Variants in PPFIBP1 observed in about 807,000 individuals in gnomAD.
The protein encoded by PPFIBP1 is liprin-beta-1.
Under a neutral mutation model 137.8 loss-of-function variants are expected in PPFIBP1, and 112 were observed. The ratio of observed to expected loss-of-function variants is 0.81; its 90% CI spans 0.70 to 0.95. The LOEUF (loss-of-function observed/expected upper bound fraction) is 0.95, where lower values mean the gene tolerates loss of function less well. PPFIBP1 is among the 40% of genes least tolerant of loss of function. PPFIBP1 has a pLI of 0.00. For missense variants in PPFIBP1, 1,083 were observed against 1,196.6 expected (o/e 0.91, Z 1.40); for synonymous variants, 378 against 417.3 (o/e 0.91, Z 1.15).
At chr12:27,634,146 T>A (rs2057477928) in intron 3 of PPFIBP1, among the ~76,000 whole-genome samples, 1 of 149,514 alleles carries the variant, frequency 6.7e-6, no homozygotes, top group African/African-American at 2.5e-5. Context: ...TATCTTTTTT[T>A]TTTTTTTTTT....
At chr12:27,549,315 CT>C (rs1946528931) in intron 1 of PPFIBP1, 1 of 152,096 alleles carries the variant, frequency 6.6e-6, no homozygotes, top group African/African-American at 2.4e-5. Context: ...AGCGATTTAA[CT>C]TTGTGCACAT....
intron 1 of PPFIBP1, among the ~76,000 whole-genome samples, chr12:27,574,017 G>C (rs1426279435): frequency 6.6e-6 from 1 of 150,492 alleles, no homozygotes; most frequent in Non-Finnish European, 1.5e-5. Flanking sequence ...ACAACAAAAA[G>C]ATTAAGACCA....
intron 9 of PPFIBP1, among the ~76,000 whole-genome samples, chr12:27,657,897 C>G (rs1416556796): frequency 6.6e-6 from 1 of 151,998 alleles, no homozygotes; most frequent in Non-Finnish European, 1.5e-5. Context: ...CGCTTGAGGC[C>G]AGGAGTTCAA....
At chr12:27,527,432 G>A (rs909908701) in intron 1 of PPFIBP1, among the ~76,000 whole-genome samples, 10 of 151,920 alleles carry the variant, frequency 6.6e-5, no homozygotes, top group Non-Finnish European at 1.0e-4. Flanking sequence ...TAGTAGAGGC[G>A]GGTTCTCACC....
chr12:27,646,248 A>T, intron 5 of PPFIBP1, 100 bp downstream of exon 5: 1 of 901,114 alleles, frequency 1.1e-6, no homozygotes, highest in Non-Finnish European at 1.8e-6. Flanking sequence ...TCAGACTGCT[A>T]ATAGAAATAA....
intron 24 of PPFIBP1, among the ~76,000 whole-genome samples, chr12:27,684,174 T>C (rs2061058689): frequency 6.6e-6 from 1 of 152,096 alleles, no homozygotes; most frequent in Non-Finnish European, 1.5e-5. Context: ...AGTGGCACAA[T>C]CTTGGCTCAT....
In PPFIBP1 at chr12:27,673,842, T is replaced by G; in HGVS notation, c.1380+15T>G. The G allele has an allele frequency of 6.3e-7, 1 of 1,594,268 alleles. No individual in the cohort carries two copies. The highest frequency in any genetic ancestry group is 1.1e-5 in the South Asian group (1 of 90,234). On this transcript the variant is annotated intron_variant, in intron 16 of 29. Transcript: ENST00000228425. ...CATCTGATGGGGTGGGTTCTGTGTT[T>G]TTTGTTTTTTTTTGTCTGTTATCCT...
chr12:27,571,141 G>A (rs1482192341), intron 1 of PPFIBP1, among the ~76,000 whole-genome samples: 2 of 152,110 alleles, frequency 1.3e-5, no homozygotes, highest in African/African-American at 4.8e-5. Flanking sequence ...GGGTCCTTCT[G>A]TGTCATGAAT....
chr12:27,672,333 A>G (rs2060251291), intron 14 of PPFIBP1, 94 bp from the exon 15 acceptor site: 2 of 938,168 alleles, frequency 2.1e-6, no homozygotes, highest in South Asian at 1.6e-5. Context: ...CTTCCTTTGC[A>G]TAATTTTTTG....
intron 19 of PPFIBP1, chr12:27,677,368 A>C: frequency 1.9e-6 from 1 of 525,480 alleles, no homozygotes; most frequent in African/African-American, 1.9e-5. Context: ...CTCAGAGTGC[A>C]GGGCAGGAAT....
At chr12:27,651,273 C>CTT (rs77860364) in intron 7 of PPFIBP1, among the ~76,000 whole-genome samples, 2 of 141,292 alleles carry the variant, frequency 1.4e-5, no homozygotes, top group Admixed American at 7.1e-5. Context: ...ATGTTTTAAT[C>CTT]TTTTTTTTTT....
intron 4 of PPFIBP1, among the ~76,000 whole-genome samples, chr12:27,638,182 T>C (rs1480536858): frequency 6.6e-6 from 1 of 152,178 alleles, no homozygotes; most frequent in East Asian, 1.9e-4. Context: ...ACCACTGAAC[T>C]GTACACTTTA....
intron 2 of PPFIBP1, among the ~76,000 whole-genome samples, chr12:27,632,263 T>C (rs2057320050): frequency 6.6e-6 from 1 of 152,208 alleles, no homozygotes; most frequent in Admixed American, 6.5e-5. Flanking sequence ...AATATATTTG[T>C]GAAAATAAAG....
Position 27,647,949 on chromosome 12 carries a change from A to C in PPFIBP1, c.471+107A>C, listed in dbSNP as rs533669602. ...GATGCAGCAGTAAGTTTCTTGATTC[A>C]TTTAGACCAGCACATTAAAAAAAAA... On this transcript the variant is annotated intron_variant, in intron 6 of 29. Coordinates refer to ENST00000228425, the MANE Select transcript of PPFIBP1 (RefSeq NM_003622.4). 7.9e-6 allele frequency: 11 copies of C among 1,392,730 alleles called. No individual in the cohort carries two copies. The East Asian group carries it at 2.8e-4, about 36-fold the overall frequency. The allele number at this position is 1,392,730 out of a possible 1,614,324, so 86.3% of individuals were successfully genotyped here. A position where few individuals can be genotyped will look rare whatever the true frequency, so the allele number is the denominator to read the frequency against.
intron 2 of PPFIBP1, among the ~76,000 whole-genome samples, chr12:27,591,058 A>G (rs182270129): frequency 6.6e-6 from 1 of 151,850 alleles, no homozygotes; most frequent in African/African-American, 2.4e-5. Flanking sequence ...GCCTGATTTT[A>G]TCTCTTAAAT....
At chr12:27,632,969 A>G (rs1379270349) in intron 2 of PPFIBP1, among the ~76,000 whole-genome samples, 1 of 152,184 alleles carries the variant, frequency 6.6e-6, no homozygotes, top group African/African-American at 2.4e-5. Flanking sequence ...AAACAAAAAT[A>G]AATGAAATTA....
At chr12:27,575,701 A>C (rs1231383329) in intron 1 of PPFIBP1, among the ~76,000 whole-genome samples, 2 of 152,136 alleles carry the variant, frequency 1.3e-5, no homozygotes, top group Non-Finnish European at 2.9e-5. Context: ...TATGCTTGTC[A>C]TTTCACTAAG....
intron 1 of PPFIBP1, among the ~76,000 whole-genome samples, chr12:27,560,592 T>C (rs980718472): frequency 2.0e-5 from 3 of 152,176 alleles, no homozygotes; most frequent in Non-Finnish European, 4.4e-5. Flanking sequence ...GAGGACCACA[T>C]TTTGGTTCTT....
chr12:27,633,161 A>C (rs545058641), intron 2 of PPFIBP1, among the ~76,000 whole-genome samples: 38 of 152,158 alleles, frequency 2.5e-4, no homozygotes, highest in African/African-American at 9.2e-4. Flanking sequence ...GCAAGAATGG[A>C]ATCTTCTTTA....
Sources: allele counts gnomAD v4.1 joint callset (sites outside exome capture counted in the v4.1 genomes callset), GRCh38; gene constraint gnomAD v4.1.1; transcripts MANE v1.5; gene names NCBI Gene and HGNC (gene_info 2026-07-23, HGNC 2026-07-21).